Variants in REPIN1 observed in about 807,000 individuals in gnomAD.
The protein encoded by REPIN1 is DNA-binding protein REPIN1.
Under a neutral mutation model 5.7 loss-of-function variants are expected in REPIN1, and 4 were observed. The observed-to-expected ratio is 0.71, with a 90% confidence interval of 0.35 to 1.62. REPIN1 has a LOEUF of 1.62. Among genes scored for constraint, REPIN1 ranks in the 40% most tolerant of loss-of-function variants. The probability of loss-of-function intolerance (pLI) is 0.05; values close to 1 mark genes in which losing one functional copy is unlikely to be tolerated. For synonymous variants in REPIN1, 410 were observed against 386.2 expected (o/e 1.06, Z -0.72); for missense variants, 854 against 901.0 (o/e 0.95, Z 0.67).
chr7:150,372,619 G>C lies in REPIN1; in HGVS notation c.1549G>C (p.Val517Leu), dbSNP rs530357423. 7.5e-6 allele frequency: 12 copies of C among 1,609,578 alleles called. No homozygotes were observed. In the South Asian group the frequency reaches 9.9e-5, roughly 13 times the overall value. The change falls in exon 3 of 3, where the codon GTG becomes CTG. Residue 517 changes from valine to leucine, a missense_variant. Coordinates refer to ENST00000489432, the MANE Select transcript of REPIN1 (RefSeq NM_001099695.2). ...CGACCACGCCCCCGATCGGCCCTTC[G>C]TGTGTCCCGACTGCGGCAAGGCCTT... ...RRDHAPDRPF[V>L]CPDCGKAFRH... is the part of the protein sequence containing the mutation.
At position 150,372,557 on chromosome 7, in the gene REPIN1, G is replaced by C. The variant is rs759939910; in HGVS notation, c.1487G>C (p.Arg496Pro). The C allele has an allele frequency of 9.4e-6, 15 of 1,590,610 alleles. No individual in the cohort carries two copies. The highest frequency in any genetic ancestry group is 6.8e-6 in the Non-Finnish European group (8 of 1,172,278). ...TTCGCCTGCGAGGAGTGCGGCCGCCGCTTCTCCCAGGGCAGCCATCTGGCG... is the reference window on the plus strand; with the variant it reads ...TTCGCCTGCGAGGAGTGCGGCCGCCCCTTCTCCCAGGGCAGCCATCTGGCG... Reference protein sequence around the residue: ...RPFACEECGRRFSQGSHLAAH... With the variant: ...RPFACEECGRPFSQGSHLAAH... The change falls in exon 3 of 3, where the codon CGC (arginine) becomes CCC (proline). Residue 496 changes from arginine to proline, a missense_variant. This residue lies in a region of REPIN1 where 327 missense variants were observed against 307.8 expected (regional missense o/e 1.06). Coordinates refer to ENST00000489432, the MANE Select transcript of REPIN1 (RefSeq NM_001099695.2).
At position 150,369,132 on chromosome 7, in the gene REPIN1, G is replaced by A. The variant is rs190157329; in HGVS notation, c.-42+191G>A. The A allele has an allele frequency of 2.3e-3, 796 of 347,612 alleles. 5 individuals are homozygous for A. Among genetic ancestry groups the A allele is most frequent in the African/African-American group, 0.015 (720 of 46,736 alleles). 21.5% of individuals were successfully genotyped at this position (347,612 alleles called of 1,614,324 possible). ...TGCGCCGTGCGTGGGACCCGAAATG[G>A]CTCACTCGCAAGAACGGGACCCGTG... On this transcript the variant is annotated intron_variant, in intron 1 of 2. Coordinates refer to ENST00000489432, the MANE Select transcript of REPIN1 (RefSeq NM_001099695.2).
At chr7:150,369,288 G>A (rs980592818) in intron 1 of REPIN1, 25 of 424,248 alleles carry the variant, frequency 5.9e-5, no homozygotes, top group African/African-American at 3.8e-4. Context: ...GCCCTGCGCA[G>A]CCCCATGGGA....
In REPIN1 at chr7:150,373,018, G is replaced by T. The variant is rs568786439; in HGVS notation, c.*73G>T. 4.5e-6 allele frequency: 7 copies of T among 1,548,708 alleles called. No individual in the cohort carries two copies. The South Asian group carries it at 4.9e-5, about 11-fold the overall frequency. On this transcript the variant is annotated 3_prime_UTR_variant, in exon 3 of 3. Coordinates refer to ENST00000489432, the MANE Select transcript of REPIN1 (RefSeq NM_001099695.2). ...TGGTGGGAGTCGCAGTGGGCTGGGG[G>T]TGCCTGCCTAGTGCTGGAGTAGGGG...
chr7:150,371,836 C>A lies in REPIN1; in HGVS notation c.766C>A (p.His256Asn). The change falls in exon 3 of 3, where the codon CAC (histidine) becomes AAC (asparagine). Residue 256 changes from histidine (H) to asparagine (N), a missense_variant. His to Asn is a moderately conservative substitution (Grantham distance 68, BLOSUM62 1). This residue lies in a region of REPIN1 where 409 missense variants were observed against 418.6 expected (regional missense o/e 0.98). Coordinates refer to ENST00000489432, the MANE Select transcript of REPIN1 (RefSeq NM_001099695.2). The stretch of plus-strand genomic sequence containing the variant: ...CCAGCTAGTTGCCCACAAGCGGGTG[C>A]ACGTAGCTGAGGCCCTGGAGGAGGC... ...WDQLVAHKRV[H>N]VAEALEEAAA... The A allele has an allele frequency of 5.0e-6, 8 of 1,607,570 alleles. No individual in the cohort carries two copies. The highest frequency in any genetic ancestry group is 6.8e-6 in the Non-Finnish European group (8 of 1,177,648).
Position 150,369,834 on chromosome 7 carries a change from GA to G in REPIN1, c.128del (p.Lys43SerfsTer53). ...CCAGGAACATCCCCAAGAGGAGCTG[GA>G]AAAAGCCTCATCCCCAGCTCTGCAG... ...IPRNIPKRSWKKPHPQLCSLQ... is the reference protein window; with the variant it reads ...IPRNIPKRSWXKPHPQLCSLQ... On this transcript the variant is annotated frameshift_variant, in exon 2 of 3. Coordinates refer to ENST00000489432, the MANE Select transcript of REPIN1 (RefSeq NM_001099695.2). LOFTEE classifies it low-confidence loss of function (END_TRUNC). 6.2e-7 allele frequency: 1 copy of G among 1,611,638 alleles called. No individual in the cohort carries two copies. The highest frequency in any genetic ancestry group is 8.5e-7 in the Non-Finnish European group (1 of 1,178,216).
rs1170040366 is a variant in REPIN1, at chr7:150,371,351, G to A, written c.281G>A (p.Gly94Glu). ...CAGACCCTGGGGAAGGAGTCCCGCG[G>A]GCTGAGGCAACAAGGCACGTCAGTG... The part of the protein sequence containing the change: ...SPQTLGKESR[G>E]LRQQGTSVAQ... Residue 94 changes from glycine (G) to glutamate (E), a missense_variant, in exon 3 of 3, where the codon GGG (glycine) becomes GAG (glutamate). Gly to Glu is a moderately conservative substitution (Grantham distance 98). Around this residue, in one of 5 missense-constraint regions of REPIN1, gnomAD observed 409 missense variants for 418.6 expected, o/e 0.98. Coordinates refer to ENST00000489432, the MANE Select transcript of REPIN1 (RefSeq NM_001099695.2). 1 of 1,589,074 alleles carries A rather than the reference G, an allele frequency of 6.3e-7. No homozygotes were observed. Among genetic ancestry groups the A allele is most frequent in the South Asian group, 1.1e-5 (1 of 88,158 alleles).
Position 150,368,829 on chromosome 7 carries a change from A to G in REPIN1, c.-154A>G. 3.2e-6 allele frequency: 1 copy of G among 316,466 alleles called. No homozygotes were observed. The allele number at this position is 316,466 out of a possible 1,614,324, so 19.6% of individuals were successfully genotyped here. On this transcript the variant is annotated 5_prime_UTR_variant, in exon 1 of 3. Coordinates refer to ENST00000489432, the MANE Select transcript of REPIN1 (RefSeq NM_001099695.2). Reference sequence around the variant, plus strand: ...GTTGGGGACGGGCCTGGCAGTTGTGAACTCGAACCTGCCGCTGTCGCCGCG... The same window carrying G: ...GTTGGGGACGGGCCTGGCAGTTGTGGACTCGAACCTGCCGCTGTCGCCGCG...
At chr7:150,370,009 C>A in intron 2 of REPIN1, 141 bp downstream of exon 2, 1 of 995,352 alleles carries the variant, frequency 1.0e-6, no homozygotes. Context: ...AATGAGTGAC[C>A]TTTGTGTTCC....
intron 1 of REPIN1, 164 bp downstream of exon 1, chr7:150,369,105 G>C (rs1480846474): frequency 3.7e-5 from 13 of 353,818 alleles, no homozygotes; most frequent in Non-Finnish European, 6.1e-5. Flanking sequence ...GGCTCCGCGA[G>C]CTGCGCCGTG....
chr7:150,370,882 C>G (rs1363225884), intron 2 of REPIN1: 1 of 700,584 alleles, frequency 1.4e-6, no homozygotes, highest in Non-Finnish European at 2.6e-6. Context: ...GCCACATTTT[C>G]TGGTGAGTCC....
Position 150,372,814 on chromosome 7 carries a change from A to C in REPIN1, c.1744A>C (p.Ser582Arg). 1 of 1,612,528 alleles carries C rather than the reference A, an allele frequency of 6.2e-7. No homozygotes were observed. The highest frequency in any genetic ancestry group is 8.5e-7 in the Non-Finnish European group (1 of 1,180,008). The change falls in exon 3 of 3, where the codon AGC becomes CGC. Residue 582 changes from serine (S) to arginine (R), a missense_variant. By Grantham distance (110) the Ser-to-Arg change is moderately radical. Coordinates refer to ENST00000489432, the MANE Select transcript of REPIN1 (RefSeq NM_001099695.2). ...CTGTCCCGACTGCGACCGCAGCTTC[A>C]GCCAGAAGTCCAACCTCATCACCCA... ...YACPDCDRSF[S>R]QKSNLITHRK... is the part of the protein sequence containing the mutation.
chr7:150,371,956 G>T lies in REPIN1; in HGVS notation c.886G>T (p.Ala296Ser). The T allele has an allele frequency of 1.2e-6, 2 of 1,609,832 alleles. No homozygotes were observed. Among genetic ancestry groups the T allele is most frequent in the Non-Finnish European group, 1.7e-6 (2 of 1,179,574 alleles). The part of the protein sequence containing the change: ...GDAVDRPFQC[A>S]CCGKRFRHKP... ...TGCCGTCGACCGCCCCTTCCAGTGT[G>T]CCTGTTGTGGCAAGCGCTTCCGGCA... The change falls in exon 3 of 3, where the codon GCC (alanine) becomes TCC (serine). Residue 296 changes from alanine to serine, a missense_variant. By Grantham distance (99) the Ala-to-Ser change is moderately conservative (BLOSUM62 1). Transcript: ENST00000489432.
intron 2 of REPIN1, chr7:150,370,568 G>T: frequency 1.7e-6 from 1 of 590,466 alleles, no homozygotes; most frequent in Non-Finnish European, 3.0e-6. Flanking sequence ...CCCCTGTGGG[G>T]CTAGGAATGA....
chr7:150,373,041 G>A lies in REPIN1; in HGVS notation c.*96G>A. The A allele has an allele frequency of 6.7e-7, 1 of 1,487,152 alleles. No homozygotes were observed. The highest frequency in any genetic ancestry group is 9.1e-7 in the Non-Finnish European group (1 of 1,102,608). The allele number at this position is 1,487,152 out of a possible 1,614,324, so 92.1% of individuals were successfully genotyped here. On this transcript the variant is annotated 3_prime_UTR_variant, in exon 3 of 3. Transcript: ENST00000489432. ...GGGTGCCTGCCTAGTGCTGGAGTAG[G>A]GGACAATGGGAATCCTAGAGGGGAT...
chr7:150,372,750 G>A lies in REPIN1; in HGVS notation c.1680G>A (p.Val560=). The change falls in exon 3 of 3, where the codon GTG becomes GTA. Residue 560 remains valine, a synonymous_variant. Transcript: ENST00000489432. The part of the protein sequence containing the change: ...GKAFSQKSNL[V]SHRRIHTGER... ...CCTTCAGCCAGAAGTCCAACCTGGT[G>A]TCGCACCGGCGCATCCACACGGGCG... The A allele has an allele frequency of 1.9e-6, 3 of 1,612,070 alleles. No homozygotes were observed. Among genetic ancestry groups the A allele is most frequent in the South Asian group, 2.2e-5 (2 of 91,042 alleles).
chr7:150,372,859 G>T lies in REPIN1; in HGVS notation c.1789G>T (p.Asp597Tyr). Residue 597 changes from aspartate (D) to tyrosine (Y), a missense_variant, in exon 3 of 3, where the codon GAC becomes TAC. Physicochemically the swap from Asp to Tyr is radical, Grantham distance 160. Around this residue, in one of 5 missense-constraint regions of REPIN1, gnomAD observed 101 missense variants for 124.7 expected, o/e 0.81. Coordinates refer to ENST00000489432, the MANE Select transcript of REPIN1 (RefSeq NM_001099695.2). ...CACCCACCGCAAGAGCCACATCCGGGACGGCGCCTTCTGCTGTGCCATCTG... is the reference window on the plus strand; with the variant it reads ...CACCCACCGCAAGAGCCACATCCGGTACGGCGCCTTCTGCTGTGCCATCTG... Reference protein sequence around the residue: ...LITHRKSHIRDGAFCCAICGQ... With the variant: ...LITHRKSHIRYGAFCCAICGQ... 6.2e-7 allele frequency: 1 copy of T among 1,613,070 alleles called. No homozygotes were observed.
rs545392240 is a variant in REPIN1, at chr7:150,373,093, G to A, written c.*148G>A. On this transcript the variant is annotated 3_prime_UTR_variant, in exon 3 of 3. Coordinates refer to ENST00000489432, the MANE Select transcript of REPIN1 (RefSeq NM_001099695.2). Reference sequence around the variant, plus strand: ...GAAGACGCGGGGAGTGAGCTGGGTGGGCCCTGCTAGCGAGAGAGGTCAACC... The same window carrying A: ...GAAGACGCGGGGAGTGAGCTGGGTGAGCCCTGCTAGCGAGAGAGGTCAACC... 15 of 1,187,514 alleles carry A rather than the reference G, an allele frequency of 1.3e-5. No individual in the cohort carries two copies. In the South Asian group the frequency reaches 1.9e-4, roughly 15 times the overall value. The allele number at this position is 1,187,514 out of a possible 1,614,324, so 73.6% of individuals were successfully genotyped here.
chr7:150,369,402 A>C, intron 1 of REPIN1: 1 of 464,900 alleles, frequency 2.2e-6, no homozygotes, highest in South Asian at 2.3e-5. Context: ...GGGAAAGCCC[A>C]GACTCTGGCC....
Sources: allele counts gnomAD v4.1 joint callset, GRCh38; gene constraint gnomAD v4.1.1; regional missense constraint gnomAD v4.1.1; transcripts MANE v1.5; gene names NCBI Gene and HGNC (gene_info 2026-07-23, HGNC 2026-07-21).